Variants in GRTP1 observed in about 807,000 individuals in gnomAD.
GRTP1 encodes growth hormone-regulated TBC protein 1.
A neutral mutation model predicts 38.1 loss-of-function variants in GRTP1; 56 were observed. The ratio of observed to expected loss-of-function variants is 1.47; its 90% confidence interval spans 1.19 to 1.84. The LOEUF is 1.84. Ranked by LOEUF, GRTP1 falls within the 40% of genes most tolerant of loss-of-function variation. The pLI is 0.00. For synonymous variants in GRTP1, 217 were observed against 189.5 expected (o/e 1.14, Z -1.19); for missense variants, 506 against 453.9 (o/e 1.11, Z -1.04).
chr13:113,355,628 T>C (rs2043372565), intron 2 of GRTP1, 147 bp from the exon 3 acceptor site: 1 of 930,270 alleles, frequency 1.1e-6, no homozygotes, highest in Non-Finnish European at 1.5e-6. Flanking sequence ...CCACCAAAAC[T>C]GGTACATATA....
intron 5 of GRTP1, among the ~76,000 whole-genome samples, chr13:113,334,802 TTCTG>T (rs1449768066): frequency 6.6e-6 from 1 of 152,142 alleles, no homozygotes; most frequent in African/African-American, 2.4e-5. Flanking sequence ...CCTCTTTAAC[TTCTG>T]TAAGTTTGGC....
Position 113,324,446 on chromosome 13 carries a change from C to T in GRTP1, c.*42G>A, listed in dbSNP as rs1457761360. The T allele has an allele frequency of 2.7e-5, 41 of 1,512,166 alleles. No homozygotes were observed. The Admixed American group carries it at 9.4e-4, about 35-fold the overall frequency. 93.7% of individuals were successfully genotyped at this position (1,512,166 alleles called of 1,614,324 possible). On this transcript the variant is annotated 3_prime_UTR_variant, in exon 8 of 8. Transcript: ENST00000375431. ...GTCCAGTGTCAACTCTGGAAAGGGG[C>T]ATCGTCAGTGTAGAGACGAGCAACG... is the stretch of plus-strand genomic sequence containing the variant.
intron 7 of GRTP1, 45 bp downstream of exon 7, chr13:113,325,616 C>T (rs757027100): frequency 2.2e-5 from 35 of 1,613,192 alleles, no homozygotes; most frequent in East Asian, 4.5e-5. Flanking sequence ...GCAGGTGAGG[C>T]GGGGCCCCCT....
At chr13:113,357,613 C>A (rs960514238) in intron 2 of GRTP1, among the ~76,000 whole-genome samples, 1 of 152,098 alleles carries the variant, frequency 6.6e-6, no homozygotes, top group Non-Finnish European at 1.5e-5. Flanking sequence ...TAAAATTCTA[C>A]CAAAGACACC....
intron 4 of GRTP1, among the ~76,000 whole-genome samples, chr13:113,347,225 TCTGTGGCTGAGAGCG>T (rs2043161436): frequency 1.1e-5 from 1 of 93,408 alleles, no homozygotes; most frequent in African/African-American, 4.9e-5. Context: ...CAGGAGGACC[TCTGTGGCTGAGAGCG>T]GACCTGGGAG....
intron 5 of GRTP1, among the ~76,000 whole-genome samples, chr13:113,337,643 T>C (rs889299112): frequency 6.6e-6 from 1 of 152,224 alleles, no homozygotes; most frequent in Non-Finnish European, 1.5e-5. Context: ...GGCCCACAGG[T>C]CTGGTGAGCC....
chr13:113,353,625 T>C (rs1419317944), intron 3 of GRTP1, among the ~76,000 whole-genome samples: 1 of 151,734 alleles, frequency 6.6e-6, no homozygotes, highest in Admixed American at 6.6e-5. Context: ...TGCTTGACAA[T>C]GGGGATGGCA....
At position 113,324,492 on chromosome 13, in the gene GRTP1, C is replaced by T. The variant is rs746046916; in HGVS notation, c.1007G>A (p.Gly336Glu). Reference protein sequence around the residue: ...ESCRARLLAQG With the variant: ...ESCRARLLAQE ...CAACGCAGGGGACAGGCACGCTCAC[C>T]CCTGTGCCAGCAGCCGGGCCCTGCA... The change falls in exon 8 of 8, where the codon GGG (glycine) becomes GAG (glutamate). Residue 336 changes from glycine to glutamate, a missense_variant. Coordinates refer to ENST00000375431, the MANE Select transcript of GRTP1 (RefSeq NM_024719.4). The T allele has an allele frequency of 2.4e-5, 38 of 1,608,464 alleles. No homozygotes were observed. Among genetic ancestry groups the T allele is most frequent in the Middle Eastern group, 1.7e-4 (1 of 5,864 alleles).
Position 113,348,658 on chromosome 13 carries a change from G to T in GRTP1, c.465+2191C>A, listed in dbSNP as rs1346478556. ...GTCTTACGTGGAGCTTTAGACACAG[G>T]CATGCACAGGAGAACGCACATGGAG... On this transcript the variant is annotated intron_variant, in intron 4 of 7. Coordinates refer to ENST00000375431, the MANE Select transcript of GRTP1 (RefSeq NM_024719.4). The surrounding 1 kb of genome is among the most constrained non-coding windows in gnomAD (Gnocchi z 4.8). 6.6e-6 allele frequency among the ~76,000 whole-genome samples: 1 copy of T among 152,112 alleles called. No individual in the cohort carries two copies. The highest frequency in any genetic ancestry group is 1.5e-5 in the Non-Finnish European group (1 of 68,044).
At position 113,349,433 on chromosome 13, in the gene GRTP1, TA is replaced by T. The variant is rs1375634088; in HGVS notation, c.465+1415del. 2.6e-5 allele frequency among the ~76,000 whole-genome samples: 4 copies of T among 152,190 alleles called. No homozygotes were observed. The highest frequency in any genetic ancestry group is 4.4e-5 in the Non-Finnish European group (3 of 68,032). ...GTATGCATTTTAATAAAGCTGTTTT[TA>T]AAACACAAAGGAGCAGTAAATAGAA... On this transcript the variant is annotated intron_variant, in intron 4 of 7. Transcript: ENST00000375431. This position sits in a 1 kb window ranked among gnomAD's most constrained non-coding sequence, Gnocchi z 5.0.
chr13:113,338,043 C>T (rs757071447), intron 5 of GRTP1, among the ~76,000 whole-genome samples: 18 of 152,226 alleles, frequency 1.2e-4, no homozygotes, highest in Admixed American at 3.9e-4. Context: ...GGATGTAGAG[C>T]GCTAATTCAG....
intron 2 of GRTP1, among the ~76,000 whole-genome samples, 155 bp downstream of exon 2, chr13:113,363,607 C>T (rs2043541043): frequency 6.6e-6 from 1 of 152,188 alleles, no homozygotes. Context: ...AAACCGGTCC[C>T]TGCGGCTGCC....
intron 5 of GRTP1, among the ~76,000 whole-genome samples, chr13:113,329,280 T>G (rs995053517): frequency 9.9e-5 from 15 of 152,046 alleles, no homozygotes; most frequent in African/African-American, 3.6e-4. Context: ...GGAGAGAGCT[T>G]AAAAATTACC....
rs1165453903 is a variant in GRTP1 at position 113,348,741 on chromosome 13, G to A, written c.465+2108C>T. On this transcript the variant is annotated intron_variant, in intron 4 of 7. Coordinates refer to ENST00000375431, the MANE Select transcript of GRTP1 (RefSeq NM_024719.4). This position sits in a 1 kb window ranked among gnomAD's most constrained non-coding sequence, Gnocchi z 4.8. Reference sequence around the variant, plus strand: ...CGCCGAGGGGCACCCAGGACTGCCAGGAACCAGCAGAACCAGGGCAAGGCC... The same window carrying A: ...CGCCGAGGGGCACCCAGGACTGCCAAGAACCAGCAGAACCAGGGCAAGGCC... Among the ~76,000 whole-genome samples, 1 of 152,166 alleles carries A rather than the reference G, an allele frequency of 6.6e-6. No homozygotes were observed. The highest frequency in any genetic ancestry group is 2.4e-5 in the African/African-American group (1 of 41,446).
chr13:113,326,499 C>T (rs989380521), intron 5 of GRTP1, among the ~76,000 whole-genome samples: 6 of 151,912 alleles, frequency 3.9e-5, no homozygotes, highest in Admixed American at 6.6e-5. Context: ...GCTGAAACCC[C>T]GTCTCTACTA....
At chr13:113,332,989 G>A (rs1156514053) in intron 5 of GRTP1, among the ~76,000 whole-genome samples, 37 of 152,204 alleles carry the variant, frequency 2.4e-4, no homozygotes, top group Non-Finnish European at 4.0e-4. Context: ...GTGACCAGAC[G>A]CCAATTTATT....
chr13:113,328,125 G>A (rs373983570), intron 5 of GRTP1, among the ~76,000 whole-genome samples: 205 of 152,330 alleles, frequency 1.3e-3, no homozygotes, highest in African/African-American at 4.6e-3. Context: ...AGGCACTGAT[G>A]TTCCCAGGTG....
chr13:113,325,575 C>A, intron 7 of GRTP1, 86 bp downstream of exon 7: 2 of 1,605,168 alleles, frequency 1.2e-6, no homozygotes, highest in Non-Finnish European at 1.7e-6. Context: ...GTCCTGTGCA[C>A]CCTCCGGGTG....
Position 113,347,096 on chromosome 13 carries a change from G to A in GRTP1, c.466-2137C>T, listed in dbSNP as rs71186283. ...GACCTCTGTGGCAGAGAGCAGACCC[G>A]GGAGGACCTCTGTGGCAGAGAGCAG... On this transcript the variant is annotated intron_variant, in intron 4 of 7. Coordinates refer to ENST00000375431, the MANE Select transcript of GRTP1 (RefSeq NM_024719.4). Among the ~76,000 whole-genome samples the A allele has an allele frequency of 9.6e-4, 24 of 24,964 alleles. 3 individuals are homozygous for A. Among genetic ancestry groups the A allele is most frequent in the African/African-American group, 4.5e-3 (18 of 4,004 alleles). The allele number at this position is 24,964 out of a possible 152,430, so 16.4% of individuals were successfully genotyped here. A position where few individuals can be genotyped will look rare whatever the true frequency, so the allele number is the denominator to read the frequency against.
Sources: allele counts gnomAD v4.1 joint callset (sites outside exome capture counted in the v4.1 genomes callset), GRCh38; gene constraint gnomAD v4.1.1; non-coding constraint Gnocchi (gnomAD v3.1); transcripts MANE v1.5; gene names NCBI Gene and HGNC (gene_info 2026-07-23, HGNC 2026-07-21).